Variants in MMD observed in about 807,000 individuals in gnomAD.
MMD encodes monocyte to macrophage differentiation factor.
A neutral mutation model predicts 33.6 loss-of-function variants in MMD; 22 were observed. That is an observed-to-expected ratio of 0.66 (90% CI 0.47 to 0.94). MMD has a LOEUF of 0.94. MMD is among the 40% of genes least tolerant of loss of function. MMD has a pLI of 0.00. For missense variants in MMD, 242 were observed against 309.8 expected (o/e 0.78, Z 1.64); for synonymous variants, 97 against 103.2 (o/e 0.94, Z 0.36).
At chr17:55,397,702 C>T (rs945293137) in intron 6 of MMD, among the ~76,000 whole-genome samples, 2 of 151,594 alleles carry the variant, frequency 1.3e-5, no homozygotes, top group Non-Finnish European at 2.9e-5. Flanking sequence ...CCATCACATT[C>T]AGCTAATTTT....
At chr17:55,411,695 G>T (rs56311300) in intron 2 of MMD, among the ~76,000 whole-genome samples, 7,986 of 147,760 alleles carry the variant, frequency 0.054, 311 homozygotes, top group East Asian at 0.2. Context: ...AAAACAGATG[G>T]TTTTTTTTTT....
Position 55,392,706 on chromosome 17 carries a change from T to C in MMD, c.*1628A>G, listed in dbSNP as rs2143107634. The C allele has an allele frequency of 6.6e-6, 1 of 152,624 alleles. No homozygotes were observed. Among genetic ancestry groups the C allele is most frequent in the East Asian group, 1.9e-4 (1 of 5,198 alleles). 9.5% of individuals were successfully genotyped at this position (152,624 alleles called of 1,614,324 possible). ...TGACAGTGTTACTTTTGAGTAGACC[T>C]TAAATGAATCCACAAAGTTAATATA... is the stretch of plus-strand genomic sequence containing the variant. On this transcript the variant is annotated 3_prime_UTR_variant, in exon 7 of 7. Transcript: ENST00000262065.
At chr17:55,398,121 AAAAAAAAAG>A (rs1270226218) in intron 6 of MMD, among the ~76,000 whole-genome samples, 3 of 150,808 alleles carry the variant, frequency 2.0e-5, no homozygotes, top group African/African-American at 7.3e-5. Flanking sequence ...CAAAAAAAAA[AAAAAAAAAG>A]AAAAGAAAAA....
Position 55,407,739 on chromosome 17 carries a change from A to G in MMD, c.344+7T>C, listed in dbSNP as rs559244287. On this transcript the variant is annotated splice_region_variant and intron_variant, in intron 4 of 6. Transcript: ENST00000262065. ...CTACCTTCGAAAATAGGAAGACTGTATCTTACCATGGAGCATAAGAAGCAG... is the reference window on the plus strand; with the variant it reads ...CTACCTTCGAAAATAGGAAGACTGTGTCTTACCATGGAGCATAAGAAGCAG... 6 of 1,592,572 alleles carry G rather than the reference A, an allele frequency of 3.8e-6. No homozygotes were observed. In the Admixed American group the frequency reaches 9.1e-5, roughly 24 times the overall value.
intron 3 of MMD, 146 bp from the exon 4 acceptor site, chr17:55,407,966 T>G (rs1907620650): frequency 1.7e-6 from 1 of 582,494 alleles, no homozygotes; most frequent in Non-Finnish European, 2.9e-6. Flanking sequence ...CAGATTTTTG[T>G]TGCTGTTAAT....
Position 55,403,747 on chromosome 17 carries a change from T to A in MMD, c.446+20A>T, listed in dbSNP as rs764786419. 3.2e-5 allele frequency: 51 copies of A among 1,570,616 alleles called. No homozygotes were observed. Among genetic ancestry groups the A allele is most frequent in the Non-Finnish European group, 4.4e-5 (51 of 1,147,712 alleles). On this transcript the variant is annotated intron_variant, in intron 5 of 6. Transcript: ENST00000262065. ...GGCAGTCAATTTTAAAACTATCAAATGTAAATTATTTTCTCTTACTTTTCA... is the reference window on the plus strand; with the variant it reads ...GGCAGTCAATTTTAAAACTATCAAAAGTAAATTATTTTCTCTTACTTTTCA...
At chr17:55,414,258 A>G (rs1162474721) in intron 1 of MMD, 26 bp from the exon 2 acceptor site, 2 of 1,607,980 alleles carry the variant, frequency 1.2e-6, no homozygotes, top group Non-Finnish European at 1.7e-6. Flanking sequence ...GAACACATGT[A>G]AGAAAAACTC....
At chr17:55,413,501 A>G (rs1012662982) in intron 2 of MMD, among the ~76,000 whole-genome samples, 4 of 152,122 alleles carry the variant, frequency 2.6e-5, no homozygotes, top group African/African-American at 9.7e-5. Context: ...ACACACAAAG[A>G]AATGCACCGA....
intron 3 of MMD, among the ~76,000 whole-genome samples, 178 bp from the exon 4 acceptor site, chr17:55,407,998 G>T (rs1024452993): frequency 1.3e-5 from 2 of 152,188 alleles, no homozygotes; most frequent in Admixed American, 6.5e-5. Flanking sequence ...ACGAGTAAAA[G>T]CTTTCTGTTA....
intron 2 of MMD, among the ~76,000 whole-genome samples, chr17:55,413,630 T>C (rs549856251): frequency 1.3e-4 from 20 of 152,284 alleles, no homozygotes; most frequent in South Asian, 2.1e-4. Context: ...TAACAAAAAA[T>C]TTAGGGATCA....
chr17:55,420,334 G>A (rs1908130714), intron 1 of MMD: 1 of 152,214 alleles, frequency 6.6e-6, no homozygotes, highest in Non-Finnish European at 1.5e-5. Context: ...AGGTTCTAAA[G>A]TCAGAACACT....
At chr17:55,419,352 C>T (rs548369494) in intron 1 of MMD, among the ~76,000 whole-genome samples, 1 of 152,322 alleles carries the variant, frequency 6.6e-6, no homozygotes, top group South Asian at 2.1e-4. Flanking sequence ...AAGTGTGAAA[C>T]ATAAAATGAG....
intron 3 of MMD, among the ~76,000 whole-genome samples, chr17:55,410,027 A>G (rs1250980111): frequency 6.6e-6 from 1 of 152,202 alleles, no homozygotes; most frequent in African/African-American, 2.4e-5. Flanking sequence ...AGGAAAAGGT[A>G]GCAGACTGCA....
chr17:55,409,940 C>T (rs986266579), intron 3 of MMD, among the ~76,000 whole-genome samples: 11 of 152,308 alleles, frequency 7.2e-5, no homozygotes, highest in Non-Finnish European at 1.5e-4. Context: ...TTGTGGTTCT[C>T]TTGTGAGTGT....
At position 55,413,264 on chromosome 17, in the gene MMD, TG is replaced by T. The variant is rs539471367; in HGVS notation, c.108+886del. Among the ~76,000 whole-genome samples, 1,006 of 152,348 alleles carry T rather than the reference TG, an allele frequency of 6.6e-3. 15 individuals are homozygous for T. The highest frequency in any genetic ancestry group is 0.023 in the African/African-American group (975 of 41,574). ...AACACTCATTGTTAAAGAAGCAAAC[TG>T]GTCTTTTCTCTATTTCTTGTTTTCA... On this transcript the variant is annotated intron_variant, in intron 2 of 6. Coordinates refer to ENST00000262065, the MANE Select transcript of MMD (RefSeq NM_012329.3).
chr17:55,396,836 C>T (rs1009718373), intron 6 of MMD, among the ~76,000 whole-genome samples: 4 of 152,054 alleles, frequency 2.6e-5, no homozygotes, highest in Non-Finnish European at 4.4e-5. Context: ...AGGCTGGTCT[C>T]GAACTCCTGA....
At chr17:55,419,728 C>T (rs961002021) in intron 1 of MMD, among the ~76,000 whole-genome samples, 1 of 152,140 alleles carries the variant, frequency 6.6e-6, no homozygotes, top group East Asian at 1.9e-4. Context: ...TCCAACCTAG[C>T]TTATGATAGA....
At position 55,393,233 on chromosome 17, in the gene MMD, T is replaced by C. The variant is rs577188874; in HGVS notation, c.*1101A>G. 5 of 131,468 alleles carry C rather than the reference T, an allele frequency of 3.8e-5. No homozygotes were observed. Among genetic ancestry groups the C allele is most frequent in the Non-Finnish European group, 8.4e-5 (5 of 59,176 alleles). The allele number at this position is 131,468 out of a possible 1,614,324, so 8.1% of individuals were successfully genotyped here. On this transcript the variant is annotated 3_prime_UTR_variant, in exon 7 of 7. Transcript: ENST00000262065. ...TGAGTTTCTACCTGTCAAACAATGC[T>C]TTAAATATTTTTTCTAGGAAAAAAA...
In MMD at chr17:55,407,827, A is replaced by AG. The variant is rs756047339; in HGVS notation, c.270-8dup. 3.0e-5 allele frequency: 47 copies of AG among 1,551,152 alleles called. No individual in the cohort carries two copies. Among genetic ancestry groups the AG allele is most frequent in the Middle Eastern group, 1.7e-4 (1 of 5,888 alleles). ...AAAACAATGCTCCACTGTCCTAGCG[A>AG]GGGGGAAAAAAAAGTAAATTTGTCA... On this transcript the variant is annotated splice_polypyrimidine_tract_variant and splice_region_variant and intron_variant, in intron 3 of 6. Coordinates refer to ENST00000262065, the MANE Select transcript of MMD (RefSeq NM_012329.3).
Sources: gnomAD v4.1 joint callset for allele counts (sites outside exome capture counted in the v4.1 genomes callset) on GRCh38, gnomAD v4.1.1 for gene constraint, MANE v1.5 for transcripts, NCBI Gene and HGNC (gene_info 2026-07-23, HGNC 2026-07-21) for gene names.